RIN2: variants seen among roughly 807,000 people sequenced by gnomAD.
RIN2 encodes Ras and Rab interactor 2.
A neutral mutation model predicts 78.0 loss-of-function variants in RIN2; 36 were observed. That is an observed-to-expected ratio of 0.46 (90% confidence interval 0.35 to 0.61). RIN2 has a LOEUF of 0.61. Ranked by LOEUF, RIN2 falls within the 20% of genes least tolerant of loss-of-function variation. The pLI is 0.00. For missense variants in RIN2, 1,087 were observed against 1,159.7 expected, an observed-to-expected ratio of 0.94 and a Z score of 0.91; for synonymous variants, 466 against 466.8, an observed-to-expected ratio of 1.00 and a Z score of 0.02.
intron 3 of RIN2, among the ~76,000 whole-genome samples, chr20:19,930,438 A>T (rs1426977370): frequency 6.6e-6 from 1 of 152,246 alleles, no homozygotes; most frequent in Non-Finnish European, 1.5e-5. Flanking sequence ...GTACCCAGAC[A>T]AAAACAGCCT....
chr20:19,773,029 G>T (rs1296542480), intron 1 of RIN2, among the ~76,000 whole-genome samples: 1 of 152,190 alleles, frequency 6.6e-6, no homozygotes, highest in Non-Finnish European at 1.5e-5. Flanking sequence ...CACAGTTCTG[G>T]AGTCCAGAAG....
chr20:19,800,949 G>A (rs189297447), intron 2 of RIN2, among the ~76,000 whole-genome samples: 1 of 152,192 alleles, frequency 6.6e-6, no homozygotes, highest in African/African-American at 2.4e-5. Context: ...TTTCAAGCTT[G>A]TGAGGTTCAC....
intron 10 of RIN2, 149 bp downstream of exon 10, chr20:19,990,460 T>C: frequency 2.8e-6 from 2 of 721,514 alleles, no homozygotes; most frequent in Non-Finnish European, 4.5e-6. Flanking sequence ...AGTGATTCTC[T>C]GATATCCGGC....
chr20:19,771,230 C>G (rs539717507), intron 1 of RIN2, among the ~76,000 whole-genome samples: 1 of 152,228 alleles, frequency 6.6e-6, no homozygotes, highest in South Asian at 2.1e-4. Context: ...AGACAGTGGT[C>G]AAAGTCCCAG....
chr20:19,861,850 C>G (rs1156897819), intron 2 of RIN2, among the ~76,000 whole-genome samples: 1 of 151,852 alleles, frequency 6.6e-6, no homozygotes, highest in African/African-American at 2.4e-5. Flanking sequence ...ATTCAATGAT[C>G]ACCCTCCATA....
chr20:19,952,836 C>T lies in RIN2; in HGVS notation c.159-3779C>T, dbSNP rs567630967. Reference sequence around the variant, plus strand: ...TCTTTTAGTGGCATGGTACCCATCCCGCGCCCGCAGCCCCTAGCAAAACAA... The same window carrying T: ...TCTTTTAGTGGCATGGTACCCATCCTGCGCCCGCAGCCCCTAGCAAAACAA... On this transcript the variant is annotated intron_variant, in intron 4 of 12. Coordinates refer to ENST00000255006, the MANE Select transcript of RIN2 (RefSeq NM_018993.4). Among the ~76,000 whole-genome samples the T allele has an allele frequency of 2.5e-4, 38 of 152,232 alleles. No homozygotes were observed. In the South Asian group the frequency reaches 3.3e-3, roughly 13 times the overall value.
intron 9 of RIN2, among the ~76,000 whole-genome samples, chr20:19,979,593 C>G (rs535213031): frequency 1.3e-5 from 2 of 152,018 alleles, no homozygotes; most frequent in Admixed American, 1.3e-4. Context: ...CACAACTACT[C>G]TGGTTCAGAT....
intron 1 of RIN2, among the ~76,000 whole-genome samples, chr20:19,772,820 G>A (rs1245276577): frequency 6.6e-6 from 1 of 152,190 alleles, no homozygotes; most frequent in Non-Finnish European, 1.5e-5. Flanking sequence ...TGATTTGTCT[G>A]TAGTCACAAA....
chr20:19,892,816 ATTTGTAACAAGCTGGAGGGGAG>A (rs1157194891), intron 3 of RIN2, among the ~76,000 whole-genome samples: 1 of 152,216 alleles, frequency 6.6e-6, no homozygotes, highest in Non-Finnish European at 1.5e-5. Flanking sequence ...TTGCAGGTTC[ATTTGTAACAAGCTGGAGGGGAG>A]TTCGGTGCTG....
chr20:19,877,005 C>T (rs1290658153), intron 2 of RIN2, among the ~76,000 whole-genome samples: 1 of 152,118 alleles, frequency 6.6e-6, no homozygotes, highest in African/African-American at 2.4e-5. Context: ...TGGATTAGGC[C>T]AGTCAGGACT....
At chr20:19,900,516 C>T (rs1240507405) in intron 3 of RIN2, among the ~76,000 whole-genome samples, 2 of 150,478 alleles carry the variant, frequency 1.3e-5, no homozygotes, top group African/African-American at 4.9e-5. Flanking sequence ...AAGTCAGGTA[C>T]AGTGGCCCAT....
intron 2 of RIN2, among the ~76,000 whole-genome samples, chr20:19,804,242 G>A (rs547071512): frequency 6.6e-6 from 1 of 152,292 alleles, no homozygotes; most frequent in East Asian, 1.9e-4. Context: ...ATGTTGAATA[G>A]GAGTGGTGAA....
At chr20:19,924,485 T>C (rs868370882) in intron 3 of RIN2, among the ~76,000 whole-genome samples, 10 of 103,334 alleles carry the variant, frequency 9.7e-5, no homozygotes, top group East Asian at 2.9e-4. Context: ...CCCACCTTCA[T>C]ACCCCACCTT....
intron 2 of RIN2, among the ~76,000 whole-genome samples, chr20:19,866,751 A>C (rs555422128): frequency 6.6e-6 from 1 of 152,232 alleles, no homozygotes; most frequent in Non-Finnish European, 1.5e-5. Flanking sequence ...CAGCCTCCTG[A>C]GTAGCTGGGA....
chr20:19,808,021 C>T (rs187453106), intron 2 of RIN2, among the ~76,000 whole-genome samples: 219 of 152,266 alleles, frequency 1.4e-3, no homozygotes, highest in East Asian at 4.2e-3. Context: ...AGAAGGTCTG[C>T]GGAAGAAACC....
At chr20:19,984,306 T>C (rs1327530072) in intron 9 of RIN2, among the ~76,000 whole-genome samples, 1 of 152,188 alleles carries the variant, frequency 6.6e-6, no homozygotes, top group Non-Finnish European at 1.5e-5. Flanking sequence ...CTAGATGGCA[T>C]AGCCTACTAC....
rs1324795016 is a variant in RIN2, at chr20:19,956,602, C to T, written c.159-13C>T. ...CTGCAGCCAGCTGACCGTGCCGCTTCTCTTTCTCCTAGCATGGTAAGACAC... is the reference window on the plus strand; with the variant it reads ...CTGCAGCCAGCTGACCGTGCCGCTTTTCTTTCTCCTAGCATGGTAAGACAC... On this transcript the variant is annotated splice_polypyrimidine_tract_variant and intron_variant, in intron 4 of 12. Transcript: ENST00000255006. 1 of 1,611,600 alleles carries T rather than the reference C, an allele frequency of 6.2e-7. No individual in the cohort carries two copies. The highest frequency in any genetic ancestry group is 8.5e-7 in the Non-Finnish European group (1 of 1,178,858).
chr20:19,971,815 C>T (rs534926300), intron 8 of RIN2, among the ~76,000 whole-genome samples: 64 of 140,718 alleles, frequency 4.5e-4, no homozygotes, highest in Non-Finnish European at 8.3e-4. Flanking sequence ...GATCTCAGCT[C>T]TCTGCAGCTT....
intron 12 of RIN2, among the ~76,000 whole-genome samples, chr20:19,998,620 C>CAA (rs1461728143): frequency 1.3e-5 from 2 of 152,130 alleles, no homozygotes; most frequent in Non-Finnish European, 2.9e-5. Flanking sequence ...CAAAAACAAA[C>CAA]AAACAAAAAG....
Sources: allele counts gnomAD v4.1 joint callset (sites outside exome capture counted in the v4.1 genomes callset), GRCh38; gene constraint gnomAD v4.1.1; transcripts MANE v1.5; gene names NCBI Gene and HGNC (gene_info 2026-07-23, HGNC 2026-07-21).